Variants in CCDC92 observed in about 807,000 individuals in gnomAD.
The protein encoded by CCDC92 is coiled-coil domain containing 92.
A neutral mutation model predicts 24.9 loss-of-function variants in CCDC92; 12 were observed. The observed-to-expected ratio is 0.48, with a 90% CI of 0.31 to 0.78. The LOEUF (loss-of-function observed/expected upper bound fraction) is 0.78, where lower values mean the gene tolerates loss of function less well. Ranked by LOEUF, CCDC92 falls within the 30% of genes least tolerant of loss-of-function variation. The pLI is 0.05. For missense variants in CCDC92, 399 were observed against 439.4 expected (o/e 0.91, Z 0.82); for synonymous variants, 193 against 196.3 (o/e 0.98, Z 0.14).
At chr12:123,965,481 T>C (rs1956370932) in intron 1 of CCDC92, among the ~76,000 whole-genome samples, 1 of 152,250 alleles carries the variant, frequency 6.6e-6, no homozygotes, top group African/African-American at 2.4e-5. Context: ...GTGAAAACAG[T>C]GAGGGCTGCA....
chr12:123,963,180 G>A (rs1404028401), intron 1 of CCDC92, among the ~76,000 whole-genome samples: 1 of 152,234 alleles, frequency 6.6e-6, no homozygotes, highest in African/African-American at 2.4e-5. Context: ...CAAAGGTCAA[G>A]AGAGTTTTGG....
chr12:123,967,385 C>A (rs780612845), intron 1 of CCDC92, among the ~76,000 whole-genome samples: 1 of 152,192 alleles, frequency 6.6e-6, no homozygotes, highest in Non-Finnish European at 1.5e-5. Context: ...AAAACTCCAA[C>A]CTTTCTCCAT....
chr12:123,950,769 G>A (rs1033981631), intron 1 of CCDC92, among the ~76,000 whole-genome samples: 2 of 152,182 alleles, frequency 1.3e-5, no homozygotes, highest in Non-Finnish European at 2.9e-5. Flanking sequence ...AGGAACCAAG[G>A]CCAGACTTAT....
chr12:123,970,936 A>G (rs1047490729), intron 1 of CCDC92, among the ~76,000 whole-genome samples: 15 of 152,370 alleles, frequency 9.8e-5, no homozygotes, highest in African/African-American at 3.1e-4. Context: ...AGATAATTGG[A>G]TAAGTTGAGA....
chr12:123,940,925 C>G (rs959973845), intron 4 of CCDC92, among the ~76,000 whole-genome samples: 1 of 151,006 alleles, frequency 6.6e-6, no homozygotes, highest in Non-Finnish European at 1.5e-5. Flanking sequence ...GACGCCCCGA[C>G]TGGAACCACC....
rs1016337164 is a variant in CCDC92, at chr12:123,937,174, G to A, written c.880C>T (p.Arg294Trp). Residue 294 changes from arginine to tryptophan, a missense_variant, in exon 5 of 5, where the codon CGG (arginine) becomes TGG (tryptophan). Arg to Trp is a moderately radical substitution (Grantham distance 101). Coordinates refer to ENST00000238156, the MANE Select transcript of CCDC92 (RefSeq NM_025140.3). This position sits in a 1 kb window ranked among gnomAD's most constrained non-coding sequence, Gnocchi z 8.4. ...TGCGGCGGGGTGGCGTGGTGGATCCGATGTGCCACCCCGACGTGGGCCTTG... is the reference window on the plus strand; with the variant it reads ...TGCGGCGGGGTGGCGTGGTGGATCCAATGTGCCACCCCGACGTGGGCCTTG... ...PHKAHVGVAH[R>W]IHHATPPQAQ... 5 of 1,610,120 alleles carry A rather than the reference G, an allele frequency of 3.1e-6. No individual in the cohort carries two copies. The highest frequency in any genetic ancestry group is 2.7e-5 in the African/African-American group (2 of 74,902).
intron 1 of CCDC92, among the ~76,000 whole-genome samples, chr12:123,972,299 G>A (rs1172055036): frequency 6.6e-6 from 1 of 152,088 alleles, no homozygotes; most frequent in Non-Finnish European, 1.5e-5. Flanking sequence ...CTCCCGAGTT[G>A]CCTTCGCCCG....
intron 3 of CCDC92, 29 bp downstream of exon 3, chr12:123,943,318 C>G (rs200237780): frequency 2.5e-6 from 4 of 1,605,428 alleles, no homozygotes; most frequent in Non-Finnish European, 2.5e-6. Flanking sequence ...AGCCGCCCCC[C>G]GCCTGCCCGG....
intron 1 of CCDC92, among the ~76,000 whole-genome samples, chr12:123,958,941 T>G (rs926760706): frequency 5.9e-5 from 9 of 152,224 alleles, no homozygotes; most frequent in African/African-American, 1.9e-4. Flanking sequence ...TGACAAGATT[T>G]TCTGAAGAGG....
chr12:123,939,881 T>A (rs1566146080), intron 4 of CCDC92, among the ~76,000 whole-genome samples: 1 of 152,212 alleles, frequency 6.6e-6, no homozygotes, highest in Non-Finnish European at 1.5e-5. Flanking sequence ...TTGGGCCTGG[T>A]ACCCGCTGTC....
At chr12:123,938,057 A>G (rs1472531911) in intron 4 of CCDC92, among the ~76,000 whole-genome samples, 1 of 152,206 alleles carries the variant, frequency 6.6e-6, no homozygotes, top group Non-Finnish European at 1.5e-5. Flanking sequence ...GGCCTACTGC[A>G]TAAAAGAATG....
At chr12:123,960,918 A>G (rs1956256727) in intron 1 of CCDC92, 3 of 152,234 alleles carry the variant, frequency 2.0e-5, no homozygotes, top group Admixed American at 1.3e-4. Context: ...TTTAAAGTTT[A>G]CAAGGCCTTT....
intron 1 of CCDC92, among the ~76,000 whole-genome samples, chr12:123,950,726 G>A (rs1956004549): frequency 6.6e-6 from 1 of 152,150 alleles, no homozygotes; most frequent in Non-Finnish European, 1.5e-5. Flanking sequence ...GCAGCACTTG[G>A]CTGCCAAAAA....
Position 123,942,707 on chromosome 12 carries a change from A to G in CCDC92, c.223+37T>C, listed in dbSNP as rs916315546. On this transcript the variant is annotated intron_variant, in intron 4 of 4. Transcript: ENST00000238156. ...GGCACCAACACGTACCACAAAGGGA[A>G]ACCTACTGTCATTTACTTCTGGGGA... The G allele has an allele frequency of 6.5e-6, 10 of 1,545,424 alleles. No homozygotes were observed. In the African/African-American group the frequency reaches 1.4e-4, roughly 21 times the overall value.
In CCDC92 at chr12:123,936,811, G is replaced by T; in HGVS notation, c.*247C>A. On this transcript the variant is annotated 3_prime_UTR_variant, in exon 5 of 5. Coordinates refer to ENST00000238156, the MANE Select transcript of CCDC92 (RefSeq NM_025140.3). ...GCCTGCAGCGCACTTAGGTTACACG[G>T]AGCGGGATCAGAAGCAAGCGATTCG... 1.7e-6 allele frequency: 1 copy of T among 593,782 alleles called. No homozygotes were observed. The highest frequency in any genetic ancestry group is 3.0e-6 in the Non-Finnish European group (1 of 335,360). 36.8% of individuals were successfully genotyped at this position (593,782 alleles called of 1,614,324 possible).
intron 1 of CCDC92, among the ~76,000 whole-genome samples, chr12:123,963,299 C>T (rs540321899): frequency 3.9e-4 from 60 of 152,296 alleles, no homozygotes; most frequent in Non-Finnish European, 7.2e-4. Flanking sequence ...GGCTAGTAAA[C>T]GCAGCGTATG....
chr12:123,947,790 G>A (rs935909652), intron 1 of CCDC92, among the ~76,000 whole-genome samples: 1 of 152,170 alleles, frequency 6.6e-6, no homozygotes, highest in Non-Finnish European at 1.5e-5. Context: ...CGAGCCAGCA[G>A]TGGCAACCCG....
At chr12:123,964,292 T>C (rs1406982996) in intron 1 of CCDC92, among the ~76,000 whole-genome samples, 2 of 152,136 alleles carry the variant, frequency 1.3e-5, no homozygotes, top group African/African-American at 4.8e-5. Flanking sequence ...AAGGAGGCTA[T>C]TCCAATATAA....
chr12:123,969,909 G>T (rs900396237), intron 1 of CCDC92: 15 of 151,962 alleles, frequency 9.9e-5, no homozygotes, highest in African/African-American at 3.6e-4. Context: ...TTTTCCTCTT[G>T]ATTCAATGTT....
Sources: allele counts gnomAD v4.1 joint callset (sites outside exome capture counted in the v4.1 genomes callset), GRCh38; gene constraint gnomAD v4.1.1; non-coding constraint Gnocchi (gnomAD v3.1); transcripts MANE v1.5; gene names NCBI Gene and HGNC (gene_info 2026-07-23, HGNC 2026-07-21).